The following SLC39A11 variants were observed in gnomAD, a reference collection of about 807,000 sequenced individuals.
SLC39A11 encodes the protein zinc transporter ZIP11.
SLC39A11 carries 33 observed loss-of-function variants against 36.1 expected under a neutral mutation model. The observed-to-expected ratio is 0.91, with a 90% CI of 0.69 to 1.22. The LOEUF (loss-of-function observed/expected upper bound fraction) is 1.22, where lower values mean the gene tolerates loss of function less well. Ranked by LOEUF, SLC39A11 falls within the 50% of genes most tolerant of loss-of-function variation. SLC39A11 has a pLI of 0.00. For missense variants in SLC39A11, 432 were observed against 430.3 expected, an observed-to-expected ratio of 1.00 and a Z score of -0.03; for synonymous variants, 166 against 170.3, an observed-to-expected ratio of 0.97 and a Z score of 0.20.
At chr17:73,019,797 T>C (rs2058282810) in intron 4 of SLC39A11, among the ~76,000 whole-genome samples, 1 of 152,162 alleles carries the variant, frequency 6.6e-6, no homozygotes, top group East Asian at 1.9e-4. Flanking sequence ...TAAATATAAA[T>C]TGACTGAACA....
chr17:72,705,541 GA>G (rs2072855060), intron 7 of SLC39A11, among the ~76,000 whole-genome samples: 1 of 152,202 alleles, frequency 6.6e-6, no homozygotes, highest in Non-Finnish European at 1.5e-5. Context: ...GATTAAGGGT[GA>G]ATGGGTTGGC....
intron 4 of SLC39A11, among the ~76,000 whole-genome samples, chr17:72,985,481 C>T (rs1310676853): frequency 2.7e-5 from 4 of 146,402 alleles, no homozygotes; most frequent in Non-Finnish European, 4.5e-5. Flanking sequence ...GGCGCCATCT[C>T]GGCTCACTGC....
intron 3 of SLC39A11, among the ~76,000 whole-genome samples, chr17:73,081,864 A>G (rs775748655): frequency 1.3e-5 from 2 of 151,422 alleles, no homozygotes; most frequent in Admixed American, 6.6e-5. Flanking sequence ...ATGTGAAGTA[A>G]CTCAGGAATG....
At position 72,698,302 on chromosome 17, in the gene SLC39A11, T is replaced by A. The variant is rs554311170; in HGVS notation, c.671+38348A>T. 1.6e-4 allele frequency among the ~76,000 whole-genome samples: 24 copies of A among 152,356 alleles called. No homozygotes were observed. In the South Asian group the frequency reaches 4.6e-3, roughly 29 times the overall value. On this transcript the variant is annotated intron_variant, in intron 7 of 9. Transcript: ENST00000255559. ...GTCTCTAAATAGCTCAGAACTAAAC[T>A]GATGTGGTTACTCTCCAAAACCGTT...
At chr17:72,792,763 T>G (rs2076755112) in intron 6 of SLC39A11, among the ~76,000 whole-genome samples, 1 of 152,170 alleles carries the variant, frequency 6.6e-6, no homozygotes, top group South Asian at 2.1e-4. Flanking sequence ...CCCCACTGAC[T>G]TAAATGCTCC....
chr17:72,676,852 G>T (rs186719601), intron 7 of SLC39A11, among the ~76,000 whole-genome samples: 3 of 152,160 alleles, frequency 2.0e-5, no homozygotes, highest in Non-Finnish European at 4.4e-5. Flanking sequence ...AGCTTCTCTG[G>T]TCGACAGTAT....
intron 5 of SLC39A11, among the ~76,000 whole-genome samples, chr17:72,883,424 C>A (rs2081302135): frequency 6.6e-6 from 1 of 151,824 alleles, no homozygotes; most frequent in Non-Finnish European, 1.5e-5. Context: ...ATGACTGAAC[C>A]AGTTGAGGTA....
intron 3 of SLC39A11, among the ~76,000 whole-genome samples, chr17:73,081,442 T>C (rs1364104603): frequency 1.3e-5 from 2 of 152,104 alleles, no homozygotes; most frequent in East Asian, 3.9e-4. Flanking sequence ...AAAGTAGATC[T>C]ACCATTGGAT....
At chr17:72,841,001 G>T (rs1183551633) in intron 6 of SLC39A11, among the ~76,000 whole-genome samples, 1 of 152,136 alleles carries the variant, frequency 6.6e-6, no homozygotes, top group Non-Finnish European at 1.5e-5. Flanking sequence ...CTTGCAGTGA[G>T]CTGAGATGGC....
At position 73,049,041 on chromosome 17, in the gene SLC39A11, A is replaced by G. The variant is rs527684423; in HGVS notation, c.148-17327T>C. 3.3e-5 allele frequency among the ~76,000 whole-genome samples: 5 copies of G among 152,306 alleles called. No individual in the cohort carries two copies. In the East Asian group the frequency reaches 9.7e-4, roughly 29 times the overall value. On this transcript the variant is annotated intron_variant, in intron 3 of 9. Transcript: ENST00000255559. ...GTCCCTCGGCGATGCTGTAAGTTTC[A>G]GTCCAATTCAATGCTATGTATAAGT...
intron 7 of SLC39A11, among the ~76,000 whole-genome samples, chr17:72,703,319 C>T (rs2072734700): frequency 6.6e-6 from 1 of 152,212 alleles, no homozygotes; most frequent in South Asian, 2.1e-4. Flanking sequence ...CAAGTTCCAA[C>T]TTGCAGAAAT....
chr17:72,729,569 A>T (rs989478002), intron 7 of SLC39A11, among the ~76,000 whole-genome samples: 1 of 143,772 alleles, frequency 7.0e-6, no homozygotes, highest in Non-Finnish European at 1.5e-5. Flanking sequence ...ACATGCTGGG[A>T]TTACAGGCAT....
At chr17:72,754,708 A>T (rs566056738) in intron 6 of SLC39A11, among the ~76,000 whole-genome samples, 22 of 152,336 alleles carry the variant, frequency 1.4e-4, no homozygotes, top group African/African-American at 4.8e-4. Context: ...AGTAGCAGGA[A>T]GTGCAGAGCC....
At chr17:73,018,078 G>A (rs909117203) in intron 4 of SLC39A11, among the ~76,000 whole-genome samples, 2 of 152,248 alleles carry the variant, frequency 1.3e-5, no homozygotes, top group South Asian at 2.1e-4. Context: ...TCTAGGCCTC[G>A]AGTAAAAGCT....
chr17:72,737,712 T>G (rs2074491194), intron 6 of SLC39A11, among the ~76,000 whole-genome samples: 1 of 152,070 alleles, frequency 6.6e-6, no homozygotes, highest in Non-Finnish European at 1.5e-5. Context: ...CTTTAACAAG[T>G]CTTTGTCTCA....
chr17:72,836,402 A>G (rs144040652), intron 6 of SLC39A11, among the ~76,000 whole-genome samples: 2 of 150,732 alleles, frequency 1.3e-5, no homozygotes, highest in Admixed American at 6.6e-5. Context: ...GTGCAGCGGC[A>G]CGATCTCAGT....
At chr17:72,882,585 A>G (rs1427176956) in intron 5 of SLC39A11, among the ~76,000 whole-genome samples, 1 of 152,016 alleles carries the variant, frequency 6.6e-6, no homozygotes, top group East Asian at 1.9e-4. Context: ...GCAGCCCTAC[A>G]CAGATTGTCT....
At chr17:72,660,202 T>A (rs991290421) in intron 7 of SLC39A11, among the ~76,000 whole-genome samples, 1 of 152,194 alleles carries the variant, frequency 6.6e-6, no homozygotes, top group Non-Finnish European at 1.5e-5. Flanking sequence ...TGCACAGCAC[T>A]GGAGACCCCA....
intron 5 of SLC39A11, among the ~76,000 whole-genome samples, chr17:72,891,578 T>TG (rs1447898696): frequency 6.6e-6 from 1 of 152,120 alleles, no homozygotes; most frequent in African/African-American, 2.4e-5. Context: ...TTCAGGTCCC[T>TG]GCTCAATGCC....
Sources: gnomAD v4.1 joint callset for allele counts (sites outside exome capture counted in the v4.1 genomes callset) on GRCh38, gnomAD v4.1.1 for gene constraint, MANE v1.5 for transcripts, NCBI Gene and HGNC (gene_info 2026-07-23, HGNC 2026-07-21) for gene names.